Variants in HSPA4 observed in about 807,000 individuals in gnomAD.
HSPA4 encodes heat shock 70 kDa protein 4.
In HSPA4, 25 loss-of-function variants were observed where a neutral mutation model predicts 106.2. That is an observed-to-expected ratio of 0.24 (90% CI 0.17 to 0.33). The LOEUF is 0.33. HSPA4 is among the 10% of genes least tolerant of loss of function. The probability of loss-of-function intolerance (pLI) is 1.00; values close to 1 mark genes in which losing one functional copy is unlikely to be tolerated. For missense variants in HSPA4, 841 were observed against 996.0 expected (o/e 0.84, Z 2.10); for synonymous variants, 332 against 333.6 (o/e 1.00, Z 0.05).
At chr5:133,055,642 T>C (rs1243719518) in intron 1 of HSPA4, among the ~76,000 whole-genome samples, 1 of 152,094 alleles carries the variant, frequency 6.6e-6, no homozygotes, top group Non-Finnish European at 1.5e-5. Context: ...GGTGAACAAA[T>C]AAGGTCATGC....
intron 7 of HSPA4, among the ~76,000 whole-genome samples, chr5:133,078,633 T>TG (rs1765475284): frequency 2.9e-5 from 2 of 69,104 alleles, no homozygotes; most frequent in Non-Finnish European, 5.5e-5. Context: ...AGACACTGTC[T>TG]CCAAAAAAAA....
Position 133,069,255 on chromosome 5 carries a change from T to C in HSPA4, c.307-1119T>C, listed in dbSNP as rs56306291. ...GTTCATTATTGTTACTTATTTAAAA[T>C]TTTTTTTTTTTTTTGAGACAATATC... On this transcript the variant is annotated intron_variant, in intron 3 of 18. Coordinates refer to ENST00000304858, the MANE Select transcript of HSPA4 (RefSeq NM_002154.4). 6.6e-3 allele frequency among the ~76,000 whole-genome samples: 968 copies of C among 146,106 alleles called. 14 individuals are homozygous for C. The highest frequency in any genetic ancestry group is 0.023 in the African/African-American group (921 of 39,674).
chr5:133,100,135 C>G (rs914967300), intron 16 of HSPA4, among the ~76,000 whole-genome samples: 2 of 151,970 alleles, frequency 1.3e-5, no homozygotes, highest in African/African-American at 4.8e-5. Context: ...GCAGTCTCGG[C>G]TCACTGCAAC....
At chr5:133,057,242 A>G (rs554566250) in intron 1 of HSPA4, among the ~76,000 whole-genome samples, 1 of 152,274 alleles carries the variant, frequency 6.6e-6, no homozygotes, top group East Asian at 1.9e-4. Context: ...TTTGCCTATC[A>G]GTTGTATGTG....
At chr5:133,085,782 G>A (rs1466195217) in intron 7 of HSPA4, among the ~76,000 whole-genome samples, 1 of 151,352 alleles carries the variant, frequency 6.6e-6, no homozygotes, top group Non-Finnish European at 1.5e-5. Context: ...ATGAATAGTT[G>A]GAGCACAGGG....
At chr5:133,054,359 C>T (rs559795524) in intron 1 of HSPA4, among the ~76,000 whole-genome samples, 2 of 152,210 alleles carry the variant, frequency 1.3e-5, no homozygotes, top group Non-Finnish European at 2.9e-5. Context: ...TGCGCCACCA[C>T]GCCTGGCTAA....
chr5:133,074,569 C>T (rs571674314), intron 6 of HSPA4, among the ~76,000 whole-genome samples: 10 of 152,284 alleles, frequency 6.6e-5, no homozygotes, highest in East Asian at 1.9e-4. Flanking sequence ...TGAGCCACGG[C>T]GCCCAGCAGG....
chr5:133,055,378 A>G (rs1765148328), intron 1 of HSPA4, among the ~76,000 whole-genome samples: 1 of 137,494 alleles, frequency 7.3e-6, no homozygotes, highest in African/African-American at 2.7e-5. Flanking sequence ...GCTCATATGT[A>G]AAAAAGACTG....
intron 6 of HSPA4, among the ~76,000 whole-genome samples, 156 bp from the exon 7 acceptor site, chr5:133,076,498 G>A (rs1765447317): frequency 6.6e-6 from 1 of 152,052 alleles, no homozygotes; most frequent in African/African-American, 2.4e-5. Flanking sequence ...ACAGTGTGGG[G>A]TAATAAGGAT....
At chr5:133,078,538 G>A (rs994748741) in intron 7 of HSPA4, among the ~76,000 whole-genome samples, 1 of 151,168 alleles carries the variant, frequency 6.6e-6, no homozygotes, top group Non-Finnish European at 1.5e-5. Context: ...GGGAGGCTGA[G>A]GCAGGAGAAT....
At position 133,097,284 on chromosome 5, in the gene HSPA4, G is replaced by C. The variant is rs181955709; in HGVS notation, c.1927G>C (p.Asp643His). ...SGEYEKFVSE[D>H]DRNSFTLKLE... The stretch of plus-strand genomic sequence containing the variant: ...TGAATATGAGAAGTTTGTGAGTGAA[G>C]ATGTAAGTCTGCCACAATATGCCTA... Residue 643 changes from aspartate to histidine, a missense_variant and splice_region_variant, in exon 15 of 19, where the codon GAT (aspartate) becomes CAT (histidine). Physicochemically the swap from Asp to His is moderately conservative, Grantham distance 81. Transcript: ENST00000304858. The C allele has an allele frequency of 5.0e-5, 81 of 1,612,370 alleles. No individual in the cohort carries two copies. The highest frequency in any genetic ancestry group is 3.6e-5 in the Non-Finnish European group (43 of 1,178,830).
chr5:133,090,336 C>G (rs1279646339), intron 11 of HSPA4, among the ~76,000 whole-genome samples: 1 of 143,092 alleles, frequency 7.0e-6, no homozygotes, highest in East Asian at 2.1e-4. Context: ...GAGGCTGAGG[C>G]AGGAGACTGG....
Position 133,076,784 on chromosome 5 carries a change from G to C in HSPA4, c.794G>C (p.Arg265Pro). 9 of 1,613,892 alleles carry C rather than the reference G, an allele frequency of 5.6e-6. No individual in the cohort carries two copies. Among genetic ancestry groups the C allele is most frequent in the Non-Finnish European group, 7.6e-6 (9 of 1,179,896 alleles). The part of the protein sequence containing the change: ...DIKSKIRALL[R>P]LSQECEKLKK... ...AAGTCCAAAATCCGTGCATTATTACGACTCTCTCAGGAGTGTGAGAAACTC... is the reference window on the plus strand; with the variant it reads ...AAGTCCAAAATCCGTGCATTATTACCACTCTCTCAGGAGTGTGAGAAACTC... The change falls in exon 7 of 19, where the codon CGA (arginine) becomes CCA (proline). Residue 265 changes from arginine to proline, a missense_variant. Arg to Pro is a moderately radical substitution (Grantham distance 103, BLOSUM62 -2). Coordinates refer to ENST00000304858, the MANE Select transcript of HSPA4 (RefSeq NM_002154.4).
At chr5:133,073,175 TACTA>T (rs1765405750) in intron 4 of HSPA4, 51 bp from the exon 5 acceptor site, 3 of 1,101,208 alleles carry the variant, frequency 2.7e-6, no homozygotes, top group Non-Finnish European at 4.0e-6. Flanking sequence ...TCCTGGATTT[TACTA>T]ACTAAAATTA....
Position 133,074,042 on chromosome 5 carries a change from GA to G in HSPA4, c.582del (p.Lys194AsnfsTer5). ...AGCAGGATCTTCCTGCCTTAGAAGA[GA>G]AACCAAGAAATGTAGTTTTTGTAGA... ...YKQDLPALEE[K>X]PRNVVFVDMG... is the part of the protein sequence containing the mutation. On this transcript the variant is annotated frameshift_variant, in exon 6 of 19. Coordinates refer to ENST00000304858, the MANE Select transcript of HSPA4 (RefSeq NM_002154.4). LOFTEE classifies it high-confidence loss of function. 6.2e-7 allele frequency: 1 copy of G among 1,608,332 alleles called. No individual in the cohort carries two copies. Among genetic ancestry groups the G allele is most frequent in the Non-Finnish European group, 8.5e-7 (1 of 1,177,464 alleles).
rs193013759 is a variant in HSPA4 at position 133,071,064 on chromosome 5, C to T, written c.429+568C>T. Among the ~76,000 whole-genome samples, 553 of 152,018 alleles carry T rather than the reference C, an allele frequency of 3.6e-3. 2 individuals are homozygous for T. Among genetic ancestry groups the T allele is most frequent in the Middle Eastern group, 0.017 (5 of 294 alleles). Reference sequence around the variant, plus strand: ...CCACTTCTTCCTGTATTTTTTTCATCGCCTAGCATAGCACAGGGTAGCCAC... The same window carrying T: ...CCACTTCTTCCTGTATTTTTTTCATTGCCTAGCATAGCACAGGGTAGCCAC... On this transcript the variant is annotated intron_variant, in intron 4 of 18. Coordinates refer to ENST00000304858, the MANE Select transcript of HSPA4 (RefSeq NM_002154.4).
intron 5 of HSPA4, among the ~76,000 whole-genome samples, chr5:133,073,769 A>G (rs947982385): frequency 5.3e-5 from 8 of 152,238 alleles, no homozygotes; most frequent in African/African-American, 1.9e-4. Flanking sequence ...AAATTATGCC[A>G]AAGTCCATTG....
At chr5:133,103,551 A>T (rs1385117060) in intron 17 of HSPA4, among the ~76,000 whole-genome samples, 4 of 152,050 alleles carry the variant, frequency 2.6e-5, no homozygotes, top group Non-Finnish European at 4.4e-5. Flanking sequence ...TCTCATATCT[A>T]ATGTAATTTT....
intron 16 of HSPA4, among the ~76,000 whole-genome samples, chr5:133,100,489 C>T (rs1322886782): frequency 2.0e-5 from 3 of 151,972 alleles, no homozygotes; most frequent in African/African-American, 4.8e-5. Flanking sequence ...CTCCGCCTCC[C>T]GGGTTCACGC....
Sources: allele counts gnomAD v4.1 joint callset (sites outside exome capture counted in the v4.1 genomes callset), GRCh38; gene constraint gnomAD v4.1.1; transcripts MANE v1.5; gene names NCBI Gene and HGNC (gene_info 2026-07-23, HGNC 2026-07-21).